PKHD1: variants seen among roughly 807,000 people sequenced by gnomAD.
The protein encoded by PKHD1 is PKHD1 ciliary IPT domain containing fibrocystin/polyductin.
A neutral mutation model predicts 412.0 loss-of-function variants in PKHD1; 291 were observed. The ratio of observed to expected loss-of-function variants is 0.71; its 90% confidence interval spans 0.64 to 0.78. The LOEUF is 0.78. PKHD1 is among the 30% of genes least tolerant of loss of function. PKHD1 has a pLI of 0.00. For synonymous variants in PKHD1, 1,777 were observed against 1,821.5 expected (o/e 0.98, Z 0.62); for missense variants, 4,825 against 4,950.7 (o/e 0.97, Z 0.76).
chr6:51,756,461 G>GA (rs1465725993), intron 55 of PKHD1, among the ~76,000 whole-genome samples: 1 of 152,222 alleles, frequency 6.6e-6, no homozygotes, highest in African/African-American at 2.4e-5. Flanking sequence ...AATGGTATTA[G>GA]AAAAAGAGTA....
chr6:51,802,066 A>G (rs1763012022), intron 52 of PKHD1, among the ~76,000 whole-genome samples: 1 of 152,128 alleles, frequency 6.6e-6, no homozygotes, highest in Non-Finnish European at 1.5e-5. Context: ...AATAGAAAAG[A>G]ATCTGTGCCT....
At chr6:52,041,610 T>A (rs1204865997) in intron 27 of PKHD1, among the ~76,000 whole-genome samples, 1 of 152,154 alleles carries the variant, frequency 6.6e-6, no homozygotes, top group African/African-American at 2.4e-5. Flanking sequence ...TTCCCCATAG[T>A]CTTAATAAAA....
intron 52 of PKHD1, among the ~76,000 whole-genome samples, chr6:51,791,878 C>T (rs971877933): frequency 2.0e-5 from 3 of 152,298 alleles, no homozygotes; most frequent in African/African-American, 7.2e-5. Context: ...ACAACTGTTT[C>T]GTTCACAGGA....
intron 60 of PKHD1, among the ~76,000 whole-genome samples, chr6:51,733,427 C>G (rs1323926227): frequency 6.6e-6 from 1 of 151,438 alleles, no homozygotes; most frequent in African/African-American, 2.4e-5. Flanking sequence ...GTAGTCCCAG[C>G]TACTGAGGCT....
chr6:51,887,528 C>T (rs1331098770), intron 43 of PKHD1, among the ~76,000 whole-genome samples: 1 of 152,048 alleles, frequency 6.6e-6, no homozygotes, highest in Non-Finnish European at 1.5e-5. Flanking sequence ...GTCAGTTTCT[C>T]GTGAATGGTT....
chr6:51,623,731 G>A (rs933984508), intron 66 of PKHD1, among the ~76,000 whole-genome samples: 3 of 152,010 alleles, frequency 2.0e-5, no homozygotes, highest in Non-Finnish European at 4.4e-5. Flanking sequence ...CTACAGGCAT[G>A]TGCCACCACA....
At chr6:51,635,618 G>A (rs1768428086) in intron 64 of PKHD1, among the ~76,000 whole-genome samples, 1 of 152,032 alleles carries the variant, frequency 6.6e-6, no homozygotes. Flanking sequence ...TAAAGCCAGG[G>A]AGTGATAAGT....
At chr6:51,645,873 TG>T (rs1172897462) in intron 63 of PKHD1, among the ~76,000 whole-genome samples, 1 of 152,210 alleles carries the variant, frequency 6.6e-6, no homozygotes, top group Non-Finnish European at 1.5e-5. Context: ...ATTCTTTTAC[TG>T]GGACCCTGCA....
At chr6:51,812,017 A>G (rs1764755085) in intron 52 of PKHD1, among the ~76,000 whole-genome samples, 1 of 152,198 alleles carries the variant, frequency 6.6e-6, no homozygotes, top group African/African-American at 2.4e-5. Context: ...TTAGATGTCT[A>G]AGACAAGAAA....
At chr6:51,689,281 C>T (rs755796909) in intron 60 of PKHD1, among the ~76,000 whole-genome samples, 2 of 152,138 alleles carry the variant, frequency 1.3e-5, no homozygotes, top group Non-Finnish European at 2.9e-5. Context: ...AAAAGGCCTT[C>T]GATAAAATTC....
intron 30 of PKHD1, 77 bp from the exon 31 acceptor site, chr6:52,027,973 T>G (rs1802474920): frequency 8.0e-7 from 1 of 1,256,670 alleles, no homozygotes; most frequent in African/African-American, 1.5e-5. Context: ...GAGCCATATG[T>G]ATTTTGAGGA....
At chr6:52,046,317 G>A (rs2128188853) in intron 23 of PKHD1, 129 bp from the exon 24 acceptor site, 1 of 802,342 alleles carries the variant, frequency 1.2e-6, no homozygotes, top group East Asian at 2.5e-5. Context: ...TTCTGTCAAA[G>A]TAGAACTTCA....
intron 49 of PKHD1, among the ~76,000 whole-genome samples, chr6:51,852,060 C>T (rs1414767615): frequency 6.6e-6 from 1 of 152,138 alleles, no homozygotes; most frequent in African/African-American, 2.4e-5. Context: ...AAATTTCCCT[C>T]TTAACACTAC....
chr6:51,863,050 C>T (rs566643350), intron 48 of PKHD1, among the ~76,000 whole-genome samples: 2 of 152,182 alleles, frequency 1.3e-5, no homozygotes, highest in South Asian at 4.2e-4. Context: ...TAAAGAGTAC[C>T]TACTACATGT....
intron 60 of PKHD1, among the ~76,000 whole-genome samples, chr6:51,666,589 G>C (rs1401282696): frequency 2.0e-5 from 3 of 151,736 alleles, no homozygotes; most frequent in Non-Finnish European, 2.9e-5. Context: ...GGGTACATGT[G>C]CACAATGTGC....
chr6:51,744,383 AC>A lies in PKHD1; in HGVS notation c.10156+1del. ...CAGGCATTGCATTCAGATATAGCTT[AC>A]CTGCGTTGAAGAAGGATGCAGTCCA... On this transcript the variant is annotated splice_donor_variant, in intron 60 of 66. Coordinates refer to ENST00000371117, the MANE Select transcript of PKHD1 (RefSeq NM_138694.4). LOFTEE classifies it high-confidence loss of function. 6.2e-7 allele frequency: 1 copy of A among 1,613,532 alleles called. No individual in the cohort carries two copies. The highest frequency in any genetic ancestry group is 1.3e-5 in the African/African-American group (1 of 75,032).
intron 35 of PKHD1, among the ~76,000 whole-genome samples, chr6:52,000,903 A>G (rs965011946): frequency 2.6e-5 from 4 of 152,228 alleles, no homozygotes; most frequent in African/African-American, 9.6e-5. Flanking sequence ...GAAACAAAAG[A>G]GGCACAATTA....
At position 51,699,920 on chromosome 6, in the gene PKHD1, A is replaced by AGTGTGTGTGTGTGTGTGTGT. The variant is rs148337538; in HGVS notation, c.10157-39971_10157-39952dup. ...TTTGGCCTCTGGAATATATATATGG[A>AGTGTGTGTGTGTGTGTGTGT]GTGTGTGTGTGTGTGTGTGTGTGTG... On this transcript the variant is annotated intron_variant, in intron 60 of 66. Coordinates refer to ENST00000371117, the MANE Select transcript of PKHD1 (RefSeq NM_138694.4). Among the ~76,000 whole-genome samples, 455 of 137,874 alleles carry AGTGTGTGTGTGTGTGTGTGT rather than the reference A, an allele frequency of 3.3e-3. 2 individuals carry two copies. The highest frequency in any genetic ancestry group is 4.8e-3 in the Non-Finnish European group (309 of 64,070). 90.5% of individuals were successfully genotyped at this position (137,874 alleles called of 152,430 possible). A position where few individuals can be genotyped will look rare whatever the true frequency, so the allele number is the denominator to read the frequency against.
chr6:51,732,373 T>C (rs1333186037), intron 60 of PKHD1, among the ~76,000 whole-genome samples: 1 of 152,100 alleles, frequency 6.6e-6, no homozygotes, highest in African/African-American at 2.4e-5. Context: ...GGGGGAAATA[T>C]TTGCAAATCA....
Sources: gnomAD v4.1 joint callset for allele counts (sites outside exome capture counted in the v4.1 genomes callset) on GRCh38, gnomAD v4.1.1 for gene constraint, MANE v1.5 for transcripts, NCBI Gene and HGNC (gene_info 2026-07-23, HGNC 2026-07-21) for gene names.